GRIK4: variants seen among roughly 807,000 people sequenced by gnomAD.
GRIK4 encodes the protein glutamate ionotropic receptor kainate type subunit 4, also known as glutamate receptor ionotropic, kainate 4.
GRIK4 carries 40 observed loss-of-function variants against 104.9 expected under a neutral mutation model. The ratio of observed to expected loss-of-function variants is 0.38; its 90% confidence interval spans 0.30 to 0.50. The LOEUF (loss-of-function observed/expected upper bound fraction) is 0.50, where lower values mean the gene tolerates loss of function less well. GRIK4 is among the 20% of genes least tolerant of loss of function. The pLI is 0.93. For synonymous variants in GRIK4, 485 were observed against 524.9 expected, an observed-to-expected ratio of 0.92 and a Z score of 1.04; for missense variants, 1,047 against 1,308.1, an observed-to-expected ratio of 0.80 and a Z score of 3.08.
chr11:120,879,549 T>C lies in GRIK4; in HGVS notation c.1164+4306T>C, dbSNP rs559231065. 2.4e-4 allele frequency among the ~76,000 whole-genome samples: 37 copies of C among 152,332 alleles called. No homozygotes were observed. The South Asian group carries it at 4.8e-3, about 20-fold the overall frequency. On this transcript the variant is annotated intron_variant, in intron 11 of 20. Coordinates refer to ENST00000527524, the MANE Select transcript of GRIK4 (RefSeq NM_014619.5). ...AAAAATAGTCTATCAGAACTCAGGA[T>C]TGTTTTCTACTATTTTAAAAATGAC...
rs1009551520 is a variant in GRIK4 at position 120,939,721 on chromosome 11, C to T, written c.1477-626C>T. ...AATGGGCCAGGCGCGGTGGCTCATG[C>T]CTATAATCCCATCACTTTGGGAGGC... On this transcript the variant is annotated intron_variant, in intron 13 of 20. Transcript: ENST00000527524. The surrounding 1 kb of genome is among the most constrained non-coding windows in gnomAD (Gnocchi z 5.6). Among the ~76,000 whole-genome samples, 4 of 152,170 alleles carry T rather than the reference C, an allele frequency of 2.6e-5. No individual in the cohort carries two copies. The highest frequency in any genetic ancestry group is 7.2e-5 in the African/African-American group (3 of 41,450).
intron 3 of GRIK4, among the ~76,000 whole-genome samples, chr11:120,775,349 G>A (rs1384908244): frequency 6.6e-6 from 1 of 152,220 alleles, no homozygotes; most frequent in Non-Finnish European, 1.5e-5. Context: ...AAGGACCTGA[G>A]AGACACAGCT....
intron 16 of GRIK4, among the ~76,000 whole-genome samples, chr11:120,959,170 GC>G (rs1298535126): frequency 3.9e-5 from 6 of 152,288 alleles, no homozygotes; most frequent in African/African-American, 1.4e-4. Context: ...GGCAGAGCAG[GC>G]ATGATTATCC....
intron 3 of GRIK4, among the ~76,000 whole-genome samples, chr11:120,799,698 A>G (rs1952587754): frequency 2.0e-5 from 3 of 152,200 alleles, no homozygotes; most frequent in African/African-American, 4.8e-5. Flanking sequence ...GATAGAGTCC[A>G]CTAAGTGGTT....
intron 1 of GRIK4, among the ~76,000 whole-genome samples, chr11:120,627,885 T>C (rs1054635079): frequency 6.6e-6 from 1 of 152,244 alleles, no homozygotes; most frequent in African/African-American, 2.4e-5. Flanking sequence ...CAAGACAAAC[T>C]TCAGAGTGAA....
At chr11:120,584,195 G>C (rs181811951) in intron 1 of GRIK4, among the ~76,000 whole-genome samples, 1 of 152,320 alleles carries the variant, frequency 6.6e-6, no homozygotes, top group Non-Finnish European at 1.5e-5. Context: ...GGTGAGAGTA[G>C]CCATCCTTGT....
intron 9 of GRIK4, chr11:120,869,116 GGA>G (rs1203998421): frequency 6.6e-6 from 1 of 152,562 alleles, no homozygotes; most frequent in East Asian, 1.9e-4. Flanking sequence ...GTGACTGTGA[GGA>G]GAGAGCTGCA....
chr11:120,849,094 T>A (rs910345997), intron 8 of GRIK4, among the ~76,000 whole-genome samples: 1 of 152,090 alleles, frequency 6.6e-6, no homozygotes, highest in Non-Finnish European at 1.5e-5. Flanking sequence ...AGAGCTGAGT[T>A]TGAGATACTT....
intron 1 of GRIK4, among the ~76,000 whole-genome samples, chr11:120,642,462 T>C (rs1012652626): frequency 1.3e-4 from 19 of 151,928 alleles, no homozygotes; most frequent in African/African-American, 4.3e-4. Flanking sequence ...GGTTAAGTCA[T>C]TTTCCCTCTC....
chr11:120,664,843 T>C (rs1423805664), intron 3 of GRIK4, among the ~76,000 whole-genome samples: 1 of 152,156 alleles, frequency 6.6e-6, no homozygotes, highest in Admixed American at 6.5e-5. Flanking sequence ...CAGGGCTCAG[T>C]CGAGGTGGCA....
intron 3 of GRIK4, among the ~76,000 whole-genome samples, chr11:120,788,036 T>A (rs1390462758): frequency 6.6e-6 from 1 of 150,786 alleles, no homozygotes; most frequent in Non-Finnish European, 1.5e-5. Flanking sequence ...CAGCTAATTT[T>A]TTTTTTGTAT....
At chr11:120,923,372 C>G (rs371515643) in intron 13 of GRIK4, among the ~76,000 whole-genome samples, 2 of 150,142 alleles carry the variant, frequency 1.3e-5, no homozygotes, top group East Asian at 2.0e-4. Flanking sequence ...TTACTGAGCA[C>G]TTGCCCCATG....
chr11:120,870,574 C>T (rs778928072), intron 9 of GRIK4: 3 of 152,000 alleles, frequency 2.0e-5, no homozygotes, highest in East Asian at 1.9e-4. Context: ...CTAGGCTTCT[C>T]GGAGGGAGGG....
chr11:120,962,465 T>C lies in GRIK4; in HGVS notation c.2050T>C (p.Tyr684His). The change falls in exon 18 of 21, where the codon TAC (tyrosine) becomes CAC (histidine). Residue 684 changes from tyrosine to histidine, a missense_variant. Tyr to His is a moderately conservative substitution (Grantham distance 83). Around this residue, in one of 3 missense-constraint regions of GRIK4, gnomAD observed 440 missense variants for 652.3 expected, o/e 0.67. Transcript: ENST00000527524. ...SSMTFFQNSR[Y>H]QTYQRMWNYM... ...TTTGTTCTTTTCCCAGAATTCCCGC[T>C]ACCAGACCTACCAACGCATGTGGAA... The C allele has an allele frequency of 6.2e-7, 1 of 1,611,940 alleles. No individual in the cohort carries two copies. Among genetic ancestry groups the C allele is most frequent in the Non-Finnish European group, 8.5e-7 (1 of 1,178,238 alleles).
chr11:120,850,601 G>A (rs1239044675), intron 8 of GRIK4, among the ~76,000 whole-genome samples: 1 of 152,134 alleles, frequency 6.6e-6, no homozygotes, highest in Non-Finnish European at 1.5e-5. Flanking sequence ...ATGATGGCCT[G>A]TAAACCAGCC....
intron 1 of GRIK4, among the ~76,000 whole-genome samples, chr11:120,519,633 A>G (rs551065764): frequency 6.6e-6 from 1 of 152,326 alleles, no homozygotes; most frequent in South Asian, 2.1e-4. Flanking sequence ...AGTTTATTAT[A>G]CCCATTTTAC....
rs1485050743 is a variant in GRIK4, at chr11:120,934,099, G to A, written c.1477-6248G>A. On this transcript the variant is annotated intron_variant, in intron 13 of 20. Transcript: ENST00000527524. ...GGGCGCCTGTAGTCCCAGCTACTCA[G>A]GAGGCTGAGGCAGGAGAATGGCGTG... is the stretch of plus-strand genomic sequence containing the variant. 2.0e-5 allele frequency among the ~76,000 whole-genome samples: 3 copies of A among 151,830 alleles called. No homozygotes were observed. The East Asian group carries it at 5.8e-4, about 29-fold the overall frequency.
At chr11:120,894,003 C>T (rs1226131969) in intron 11 of GRIK4, among the ~76,000 whole-genome samples, 1 of 152,102 alleles carries the variant, frequency 6.6e-6, no homozygotes, top group Non-Finnish European at 1.5e-5. Flanking sequence ...TTTTGTTTTT[C>T]AAATGTCCAT....
At chr11:120,806,216 C>G (rs1382820504) in intron 4 of GRIK4, among the ~76,000 whole-genome samples, 3 of 152,142 alleles carry the variant, frequency 2.0e-5, no homozygotes, top group African/African-American at 4.8e-5. Flanking sequence ...AGCCTCCCCC[C>G]TCTCTCTTGT....
Sources: allele counts gnomAD v4.1 joint callset (sites outside exome capture counted in the v4.1 genomes callset), GRCh38; gene constraint gnomAD v4.1.1; regional missense constraint gnomAD v4.1.1; non-coding constraint Gnocchi (gnomAD v3.1); transcripts MANE v1.5; gene names NCBI Gene and HGNC (gene_info 2026-07-23, HGNC 2026-07-21).